FGD4: variants seen among roughly 807,000 people sequenced by gnomAD.
FGD4 encodes the protein FYVE, RhoGEF and PH domain-containing protein 4.
A neutral mutation model predicts 102.0 loss-of-function variants in FGD4; 42 were observed. That is an observed-to-expected ratio of 0.41 (90% CI 0.32 to 0.53). The LOEUF (loss-of-function observed/expected upper bound fraction) is 0.53, where lower values mean the gene tolerates loss of function less well. Among genes scored for constraint, FGD4 ranks in the 20% least tolerant of loss-of-function variants. The pLI, the probability that FGD4 is intolerant of heterozygous loss-of-function variation, is 0.21. For synonymous variants in FGD4, 380 were observed against 375.7 expected (o/e 1.01, Z -0.13); for missense variants, 902 against 1,078.2 (o/e 0.84, Z 2.29).
intron 1 of FGD4, among the ~76,000 whole-genome samples, chr12:32,526,575 G>T (rs549768785): frequency 6.6e-6 from 1 of 152,312 alleles, no homozygotes; most frequent in South Asian, 2.1e-4. Flanking sequence ...GCAGGATGTG[G>T]GTGGGGCCAG....
At chr12:32,422,274 C>CTG (rs79063628) in intron 1 of FGD4, among the ~76,000 whole-genome samples, 53,119 of 124,560 alleles carry the variant, frequency 0.43, 11,313 homozygotes, top group African/African-American at 0.53. Context: ...TGAAGCATCT[C>CTG]AAATTGGGAG....
At chr12:32,570,354 G>A (rs1288711340) in intron 2 of FGD4, among the ~76,000 whole-genome samples, 1 of 151,916 alleles carries the variant, frequency 6.6e-6, no homozygotes, top group Non-Finnish European at 1.5e-5. Flanking sequence ...AATAAGTGAG[G>A]GTGAACACCA....
chr12:32,519,055 C>T (rs1418278117), intron 1 of FGD4, among the ~76,000 whole-genome samples: 1 of 138,328 alleles, frequency 7.2e-6, no homozygotes, highest in Non-Finnish European at 1.5e-5. Context: ...GCAGAGGTTG[C>T]AGTGAGCCCA....
At chr12:32,499,243 T>G (rs1592020667) in intron 1 of FGD4, among the ~76,000 whole-genome samples, 1 of 152,168 alleles carries the variant, frequency 6.6e-6, no homozygotes, top group African/African-American at 2.4e-5. Flanking sequence ...TCCAAAGCGG[T>G]TTTATCTTAA....
chr12:32,608,197 A>G, intron 8 of FGD4, 102 bp downstream of exon 8: 2 of 1,458,174 alleles, frequency 1.4e-6, no homozygotes, highest in Non-Finnish European at 1.9e-6. Context: ...ACTTTAGTCA[A>G]ATGTTGCTGT....
intron 1 of FGD4, among the ~76,000 whole-genome samples, chr12:32,440,947 G>T (rs1942415064): frequency 6.6e-6 from 1 of 152,200 alleles, no homozygotes; most frequent in Admixed American, 6.5e-5. Context: ...GCCACAAAGA[G>T]TACTGCCAGA....
intron 1 of FGD4, among the ~76,000 whole-genome samples, chr12:32,473,333 C>T (rs1314583606): frequency 1.3e-5 from 2 of 150,822 alleles, no homozygotes; most frequent in Non-Finnish European, 3.0e-5. Context: ...TGGGTCCATG[C>T]TGCTTTTATG....
intron 1 of FGD4, among the ~76,000 whole-genome samples, chr12:32,415,813 T>C (rs754441856): frequency 4.6e-5 from 7 of 152,226 alleles, no homozygotes; most frequent in Non-Finnish European, 8.8e-5. Context: ...TGACGTTATA[T>C]GTGTTTTCTT....
chr12:32,534,456 A>T, intron 1 of FGD4: 2 of 1,525,574 alleles, frequency 1.3e-6, no homozygotes, highest in Non-Finnish European at 1.8e-6. Context: ...AAACCAGAGT[A>T]GATTAATTAT....
At chr12:32,417,339 A>C (rs1178210580) in intron 1 of FGD4, among the ~76,000 whole-genome samples, 5 of 152,034 alleles carry the variant, frequency 3.3e-5, no homozygotes, top group African/African-American at 1.2e-4. Flanking sequence ...TGGATACACT[A>C]TTCTAGGGTA....
chr12:32,491,142 A>C (rs796514995), intron 1 of FGD4, among the ~76,000 whole-genome samples: 2 of 150,898 alleles, frequency 1.3e-5, no homozygotes, highest in African/African-American at 4.9e-5. Flanking sequence ...TAAAAAAAAA[A>C]AAAAAAAACA....
intron 1 of FGD4, among the ~76,000 whole-genome samples, chr12:32,543,411 C>G (rs186207326): frequency 1.5e-4 from 23 of 152,254 alleles, no homozygotes; most frequent in African/African-American, 5.5e-4. Flanking sequence ...CAGGCACTCT[C>G]CCTCTCCAGA....
At chr12:32,453,133 G>T (rs1441817509) in intron 1 of FGD4, among the ~76,000 whole-genome samples, 1 of 144,748 alleles carries the variant, frequency 6.9e-6, no homozygotes, top group Non-Finnish European at 1.5e-5. Context: ...ATAGTTTTAT[G>T]TAATAAAGAT....
intron 1 of FGD4, among the ~76,000 whole-genome samples, chr12:32,412,791 AG>A (rs1301007623): frequency 6.6e-6 from 1 of 151,776 alleles, no homozygotes; most frequent in African/African-American, 2.4e-5. Context: ...CATGTTGGCC[AG>A]GATGGTCTCA....
At chr12:32,410,109 A>G (rs918544689) in intron 1 of FGD4, among the ~76,000 whole-genome samples, 3 of 151,924 alleles carry the variant, frequency 2.0e-5, no homozygotes, top group African/African-American at 7.3e-5. Flanking sequence ...CAGGTGGATC[A>G]TGAGGTCAGG....
intron 3 of FGD4, 126 bp downstream of exon 3, chr12:32,576,575 T>C: frequency 9.5e-7 from 1 of 1,049,628 alleles, no homozygotes; most frequent in Non-Finnish European, 1.4e-6. Context: ...TGGTAGGCCT[T>C]CAGAAAGGGT....
chr12:32,625,854 C>T (rs930168038), intron 14 of FGD4, 75 bp downstream of exon 14: 9 of 1,585,290 alleles, frequency 5.7e-6, no homozygotes, highest in Non-Finnish European at 7.8e-6. Context: ...TAGGGACACA[C>T]AAAAAAATGA....
At chr12:32,490,562 C>T (rs1385209707) in intron 1 of FGD4, among the ~76,000 whole-genome samples, 2 of 151,994 alleles carry the variant, frequency 1.3e-5, no homozygotes, top group Non-Finnish European at 2.9e-5. Context: ...CCATGCCCGG[C>T]TAATTTTTGT....
chr12:32,625,222 G>C (rs1054038035), intron 13 of FGD4, among the ~76,000 whole-genome samples, 154 bp downstream of exon 13: 1 of 149,834 alleles, frequency 6.7e-6, no homozygotes, highest in Non-Finnish European at 1.5e-5. Context: ...GAACACAATA[G>C]TGAGTGACTT....
Sources: allele counts gnomAD v4.1 joint callset (sites outside exome capture counted in the v4.1 genomes callset), GRCh38; gene constraint gnomAD v4.1.1; transcripts MANE v1.5; gene names NCBI Gene and HGNC (gene_info 2026-07-23, HGNC 2026-07-21).